Variants in ADAM2 observed in about 807,000 individuals in gnomAD.
ADAM2 encodes the protein ADAM metallopeptidase domain 2.
Under a neutral mutation model 99.3 loss-of-function variants are expected in ADAM2, and 101 were observed. The ratio of observed to expected loss-of-function variants is 1.02; its 90% CI spans 0.87 to 1.20. The LOEUF (loss-of-function observed/expected upper bound fraction) is 1.20, where lower values mean the gene tolerates loss of function less well. ADAM2 is among the 50% of genes most tolerant of loss of function. The probability of loss-of-function intolerance (pLI) is 0.00; values close to 1 mark genes in which losing one functional copy is unlikely to be tolerated. For synonymous variants in ADAM2, 323 were observed against 287.6 expected, an observed-to-expected ratio of 1.12 and a Z score of -1.25; for missense variants, 948 against 878.7, an observed-to-expected ratio of 1.08 and a Z score of -1.00.
intron 7 of ADAM2, among the ~76,000 whole-genome samples, chr8:39,791,108 G>C (rs570052047): frequency 6.6e-6 from 1 of 151,310 alleles, no homozygotes; most frequent in Non-Finnish European, 1.5e-5. Flanking sequence ...TTATGCTAAA[G>C]TTTCATGTTA....
chr8:39,815,517 A>T (rs903018000), intron 6 of ADAM2, among the ~76,000 whole-genome samples: 3 of 152,124 alleles, frequency 2.0e-5, no homozygotes, highest in African/African-American at 7.2e-5. Context: ...GAGAACTGTG[A>T]TTTCCCCATT....
In ADAM2 at chr8:39,810,353, C is replaced by T. The variant is rs551662641; in HGVS notation, c.514-887G>A. 2.6e-5 allele frequency among the ~76,000 whole-genome samples: 4 copies of T among 152,316 alleles called. 1 individual carries two copies. In the South Asian group the frequency reaches 8.3e-4, roughly 32 times the overall value. On this transcript the variant is annotated intron_variant, in intron 6 of 20. Coordinates refer to ENST00000265708, the MANE Select transcript of ADAM2 (RefSeq NM_001464.5). ...AATAATGGGCGACTTTAACACCCCA[C>T]TGTCAACATTAGACAGATCAAAGAG... is the stretch of plus-strand genomic sequence containing the variant.
intron 2 of ADAM2, among the ~76,000 whole-genome samples, chr8:39,836,207 T>A (rs1805815913): frequency 6.6e-6 from 1 of 151,678 alleles, no homozygotes; most frequent in Non-Finnish European, 1.5e-5. Context: ...AAATGGGCAT[T>A]TTTTTTTACT....
At chr8:39,824,769 G>T in intron 4 of ADAM2, 50 bp downstream of exon 4, 1 of 947,066 alleles carries the variant, frequency 1.1e-6, no homozygotes, top group Non-Finnish European at 1.7e-6. Flanking sequence ...TAAATAAGGT[G>T]ATCATAGACA....
chr8:39,768,465 C>T (rs1449552817), intron 12 of ADAM2, among the ~76,000 whole-genome samples: 2 of 152,104 alleles, frequency 1.3e-5, no homozygotes, highest in African/African-American at 4.8e-5. Context: ...TCCTCACCTC[C>T]CTTCAACCCA....
At chr8:39,778,756 A>G (rs967026615) in intron 10 of ADAM2, among the ~76,000 whole-genome samples, 1 of 152,024 alleles carries the variant, frequency 6.6e-6, no homozygotes, top group African/African-American at 2.4e-5. Flanking sequence ...AGGAGAGAGA[A>G]TGATTCTACA....
intron 11 of ADAM2, among the ~76,000 whole-genome samples, chr8:39,770,018 C>T (rs1802719061): frequency 6.8e-6 from 1 of 146,630 alleles, no homozygotes; most frequent in Admixed American, 7.0e-5. Context: ...ATGATCTCTG[C>T]TCACTGCAAT....
intron 10 of ADAM2, among the ~76,000 whole-genome samples, chr8:39,779,008 GT>G (rs368317317): frequency 1.7e-4 from 25 of 148,158 alleles, no homozygotes; most frequent in Middle Eastern, 3.5e-3. Context: ...TAAAAGCAGG[GT>G]TTTTTTTTTC....
chr8:39,754,774 A>T (rs774349045), intron 16 of ADAM2, among the ~76,000 whole-genome samples: 1 of 152,202 alleles, frequency 6.6e-6, no homozygotes, highest in Non-Finnish European at 1.5e-5. Context: ...ACATGAGACT[A>T]ATTTGAGCTT....
chr8:39,791,308 C>T (rs919314037), intron 7 of ADAM2, among the ~76,000 whole-genome samples: 2 of 151,986 alleles, frequency 1.3e-5, no homozygotes, highest in Non-Finnish European at 2.9e-5. Context: ...AGAATGTAGC[C>T]TGATGCTAAC....
intron 7 of ADAM2, among the ~76,000 whole-genome samples, chr8:39,789,817 A>T (rs1402494241): frequency 6.6e-6 from 1 of 151,874 alleles, no homozygotes; most frequent in Non-Finnish European, 1.5e-5. Context: ...AGTATATAGA[A>T]TATATAAAGA....
intron 1 of ADAM2, among the ~76,000 whole-genome samples, chr8:39,837,574 G>C (rs1191289128): frequency 6.6e-6 from 1 of 151,958 alleles, no homozygotes; most frequent in Non-Finnish European, 1.5e-5. Flanking sequence ...TTTTAGTAGA[G>C]GGGGATTTCA....
In ADAM2 at chr8:39,837,373, G is replaced by A. The variant is rs1279418578; in HGVS notation, c.56-161C>T. Among the ~76,000 whole-genome samples, 3 of 148,472 alleles carry A rather than the reference G, an allele frequency of 2.0e-5. No homozygotes were observed. In the East Asian group the frequency reaches 5.9e-4, roughly 29 times the overall value. ...AAAATACAAGGAGGTTTTTTTTTCTGTTTTTCTGTTTTTTTTTTTGTTTTT... is the reference window on the plus strand; with the variant it reads ...AAAATACAAGGAGGTTTTTTTTTCTATTTTTCTGTTTTTTTTTTTGTTTTT... On this transcript the variant is annotated intron_variant, in intron 1 of 20. Transcript: ENST00000265708.
Position 39,788,148 on chromosome 8 carries a change from G to A in ADAM2, c.746C>T (p.Thr249Ile), listed in dbSNP as rs752643285. The A allele has an allele frequency of 3.8e-6, 6 of 1,583,530 alleles. No individual in the cohort carries two copies. The highest frequency in any genetic ancestry group is 1.8e-5 in the Admixed American group (1 of 56,194). The change falls in exon 9 of 21, where the codon ACA becomes ATA. Residue 249 changes from threonine (T) to isoleucine (I), a missense_variant. By Grantham distance (89) the Thr-to-Ile change is moderately conservative. Transcript: ENST00000265708. ...ATAAGATGTTTTCCATCTTAAAAAT[G>A]TGTGTAATAACTCATTAGCTTCTCC... is the stretch of plus-strand genomic sequence containing the variant. ...TTGEANELLH[T>I]FLRWKTSYLV...
chr8:39,762,034 A>C (rs1329596170), intron 14 of ADAM2, among the ~76,000 whole-genome samples: 1 of 152,220 alleles, frequency 6.6e-6, no homozygotes, highest in Non-Finnish European at 1.5e-5. Context: ...CAGTGAGCCG[A>C]GATCGCGCCA....
intron 6 of ADAM2, among the ~76,000 whole-genome samples, chr8:39,815,044 G>A (rs1804883028): frequency 6.6e-6 from 1 of 151,914 alleles, no homozygotes; most frequent in African/African-American, 2.4e-5. Flanking sequence ...CTTTAAAAAT[G>A]TATCTCAATA....
intron 6 of ADAM2, among the ~76,000 whole-genome samples, chr8:39,812,429 A>C (rs1804743635): frequency 6.6e-6 from 1 of 152,196 alleles, no homozygotes; most frequent in African/African-American, 2.4e-5. Flanking sequence ...AAACTACTTT[A>C]AAGTTCATAT....
chr8:39,779,205 G>A (rs955133561), intron 10 of ADAM2, among the ~76,000 whole-genome samples: 3 of 151,894 alleles, frequency 2.0e-5, no homozygotes, highest in South Asian at 2.1e-4. Context: ...GTGAAATTTC[G>A]CAGTTCTAGA....
intron 3 of ADAM2, among the ~76,000 whole-genome samples, chr8:39,829,444 T>C (rs1233242536): frequency 6.6e-6 from 1 of 152,006 alleles, no homozygotes; most frequent in African/African-American, 2.4e-5. Context: ...ACATATTAAA[T>C]TACTTACAGT....
Sources: allele counts gnomAD v4.1 joint callset (sites outside exome capture counted in the v4.1 genomes callset), GRCh38; gene constraint gnomAD v4.1.1; transcripts MANE v1.5; gene names NCBI Gene and HGNC (gene_info 2026-07-23, HGNC 2026-07-21).